Variants in ACOXL observed in about 807,000 individuals in gnomAD.
ACOXL encodes the protein acyl-coenzyme A oxidase-like protein.
Under a neutral mutation model 71.9 loss-of-function variants are expected in ACOXL, and 70 were observed. The ratio of observed to expected loss-of-function variants is 0.97; its 90% CI spans 0.80 to 1.19. ACOXL has a LOEUF of 1.19. ACOXL is among the 50% of genes most tolerant of loss of function. ACOXL has a pLI of 0.00. For synonymous variants in ACOXL, 253 were observed against 281.6 expected, an observed-to-expected ratio of 0.90 and a Z score of 1.02; for missense variants, 703 against 736.3, an observed-to-expected ratio of 0.95 and a Z score of 0.52.
intron 10 of ACOXL, among the ~76,000 whole-genome samples, chr2:110,884,043 CT>C (rs1697007728): frequency 6.6e-6 from 1 of 152,132 alleles, no homozygotes; most frequent in Non-Finnish European, 1.5e-5. Context: ...CCTCTACCAT[CT>C]TAAGGTTTTT....
chr2:111,097,501 G>C (rs1259466615), intron 17 of ACOXL, among the ~76,000 whole-genome samples: 1 of 152,202 alleles, frequency 6.6e-6, no homozygotes, highest in Non-Finnish European at 1.5e-5. Context: ...TTGATTTCTA[G>C]CACCGTCCTC....
chr2:111,108,682 G>A (rs1438883519), intron 17 of ACOXL, among the ~76,000 whole-genome samples: 1 of 152,112 alleles, frequency 6.6e-6, no homozygotes, highest in Non-Finnish European at 1.5e-5. Flanking sequence ...CGGCCGAAGC[G>A]CACAAATCTT....
intron 2 of ACOXL, among the ~76,000 whole-genome samples, chr2:110,771,269 C>G (rs1031633770): frequency 2.6e-5 from 4 of 152,196 alleles, no homozygotes; most frequent in African/African-American, 9.7e-5. Flanking sequence ...GCCCTGTAAA[C>G]AGCTGGAGGA....
chr2:110,906,238 G>T (rs2059436669), intron 10 of ACOXL, among the ~76,000 whole-genome samples: 1 of 152,078 alleles, frequency 6.6e-6, no homozygotes, highest in African/African-American at 2.4e-5. Flanking sequence ...ATGAGATGCT[G>T]TTTAAAATTG....
chr2:111,062,087 G>A (rs1412889724), intron 16 of ACOXL, among the ~76,000 whole-genome samples: 2 of 152,026 alleles, frequency 1.3e-5, no homozygotes, highest in Non-Finnish European at 2.9e-5. Context: ...TATATGCTGT[G>A]TATAGGGTGA....
chr2:111,044,350 G>A (rs914714712), intron 15 of ACOXL, among the ~76,000 whole-genome samples: 2 of 152,236 alleles, frequency 1.3e-5, no homozygotes, highest in African/African-American at 4.8e-5. Flanking sequence ...GAGGCTTAAG[G>A]TATTTGGGTC....
At chr2:110,863,619 G>T (rs1009008931) in intron 10 of ACOXL, among the ~76,000 whole-genome samples, 1 of 152,114 alleles carries the variant, frequency 6.6e-6, no homozygotes, top group African/African-American at 2.4e-5. Context: ...TGGTAACAGG[G>T]CAGGACTAAA....
At chr2:110,970,349 C>CA (rs2062129118) in intron 12 of ACOXL, among the ~76,000 whole-genome samples, 1 of 152,192 alleles carries the variant, frequency 6.6e-6, no homozygotes, top group South Asian at 2.1e-4. Flanking sequence ...AAAAATCAAT[C>CA]AAATGCAATC....
At chr2:110,953,212 G>A (rs1352504342) in intron 12 of ACOXL, among the ~76,000 whole-genome samples, 1 of 152,112 alleles carries the variant, frequency 6.6e-6, no homozygotes, top group Admixed American at 6.5e-5. Context: ...CTCCTGAATT[G>A]GCGGAGCTGA....
chr2:110,735,948 C>G (rs1208552356), intron 1 of ACOXL, among the ~76,000 whole-genome samples: 2 of 152,010 alleles, frequency 1.3e-5, no homozygotes, highest in Admixed American at 6.6e-5. Context: ...CTGAGAAAGC[C>G]CCCCCATAGG....
At chr2:110,836,570 G>A (rs1273971946) in intron 9 of ACOXL, among the ~76,000 whole-genome samples, 1 of 152,130 alleles carries the variant, frequency 6.6e-6, no homozygotes, top group Non-Finnish European at 1.5e-5. Context: ...CCATGGCCCT[G>A]TTTGCATGGT....
intron 10 of ACOXL, among the ~76,000 whole-genome samples, chr2:110,878,993 G>T (rs909056639): frequency 1.3e-5 from 2 of 151,638 alleles, no homozygotes; most frequent in Non-Finnish European, 2.9e-5. Context: ...GGAGGCGGAG[G>T]TTGCGGTGAG....
At chr2:110,800,511 ATT>A (rs113596812) in intron 7 of ACOXL, among the ~76,000 whole-genome samples, 3 of 146,496 alleles carry the variant, frequency 2.0e-5, no homozygotes, top group African/African-American at 2.5e-5. Context: ...TGATACATGA[ATT>A]TTTTTTTTTT....
intron 14 of ACOXL, among the ~76,000 whole-genome samples, chr2:111,017,667 G>C (rs1000872728): frequency 6.6e-6 from 1 of 152,194 alleles, no homozygotes; most frequent in African/African-American, 2.4e-5. Context: ...ACTCCAGCCT[G>C]CCTGCTTGCC....
At chr2:110,969,584 G>C (rs2062086834) in intron 12 of ACOXL, among the ~76,000 whole-genome samples, 1 of 152,140 alleles carries the variant, frequency 6.6e-6, no homozygotes, top group African/African-American at 2.4e-5. Context: ...GCCGAGGTGG[G>C]CAGCTTACCT....
At chr2:110,777,176 A>G (rs1682759158) in intron 2 of ACOXL, among the ~76,000 whole-genome samples, 1 of 152,122 alleles carries the variant, frequency 6.6e-6, no homozygotes, top group South Asian at 2.1e-4. Flanking sequence ...GGGTCAAGGT[A>G]TGGGGAAGCC....
intron 16 of ACOXL, among the ~76,000 whole-genome samples, chr2:111,078,939 GC>G (rs1229688159): frequency 6.6e-6 from 1 of 152,084 alleles, no homozygotes; most frequent in Non-Finnish European, 1.5e-5. Flanking sequence ...TGTCGGTTTG[GC>G]CCTCAAACCT....
At chr2:110,917,715 A>G (rs2059917468) in intron 11 of ACOXL, among the ~76,000 whole-genome samples, 1 of 152,266 alleles carries the variant, frequency 6.6e-6, no homozygotes, top group African/African-American at 2.4e-5. Flanking sequence ...GTCTCAGGAT[A>G]CAAAATCAAT....
intron 16 of ACOXL, among the ~76,000 whole-genome samples, chr2:111,083,123 G>A (rs2068014324): frequency 6.6e-6 from 1 of 152,100 alleles, no homozygotes; most frequent in African/African-American, 2.4e-5. Flanking sequence ...CATGGCACGT[G>A]TATAGCTATG....
Sources: allele counts gnomAD v4.1 joint callset (sites outside exome capture counted in the v4.1 genomes callset), GRCh38; gene constraint gnomAD v4.1.1; transcripts MANE v1.5; gene names NCBI Gene and HGNC (gene_info 2026-07-23, HGNC 2026-07-21).